MYCBP2: variants seen among roughly 807,000 people sequenced by gnomAD.
MYCBP2 encodes MYC binding protein 2.
A neutral mutation model predicts 525.3 loss-of-function variants in MYCBP2; 120 were observed. The ratio of observed to expected loss-of-function variants is 0.23; its 90% CI spans 0.20 to 0.27. The LOEUF is 0.27. Among genes scored for constraint, MYCBP2 ranks in the 10% least tolerant of loss-of-function variants. The pLI, the probability that MYCBP2 is intolerant of heterozygous loss-of-function variation, is 1.00. For synonymous variants in MYCBP2, 1,894 were observed against 1,955.8 expected (o/e 0.97, Z 0.83); for missense variants, 4,149 against 5,657.1 (o/e 0.73, Z 8.55).
At position 77,326,096 on chromosome 13, in the gene MYCBP2, G is replaced by A. The variant is rs890438111; in HGVS notation, c.302+378C>T. 6.6e-6 allele frequency among the ~76,000 whole-genome samples: 1 copy of A among 151,854 alleles called. No individual in the cohort carries two copies. Among genetic ancestry groups the A allele is most frequent in the Non-Finnish European group, 1.5e-5 (1 of 67,992 alleles). ...CCTTGCCACTGTTGCAATTCTCTTC[G>A]TGTATCATCCTCTTACCCTCTCTAC... On this transcript the variant is annotated intron_variant, in intron 1 of 82. Coordinates refer to ENST00000544440, the MANE Select transcript of MYCBP2 (RefSeq NM_015057.5). This position sits in a 1 kb window ranked among gnomAD's most constrained non-coding sequence, Gnocchi z 4.2.
chr13:77,165,207 G>T, intron 42 of MYCBP2, 66 bp downstream of exon 42: 1 of 1,365,792 alleles, frequency 7.3e-7, no homozygotes, highest in Non-Finnish European at 1.0e-6. Context: ...TCAGTTAGAA[G>T]CACAACTCAC....
At chr13:77,073,220 T>C (rs2041692970) in intron 68 of MYCBP2, among the ~76,000 whole-genome samples, 1 of 152,078 alleles carries the variant, frequency 6.6e-6, no homozygotes, top group African/African-American at 2.4e-5. Flanking sequence ...CTAAAATGCA[T>C]AGCAATATAT....
chr13:77,140,263 T>A (rs2054399694), intron 50 of MYCBP2, 100 bp from the exon 51 acceptor site: 1 of 668,296 alleles, frequency 1.5e-6, no homozygotes, highest in Non-Finnish European at 2.5e-6. Context: ...AGTATCGTAA[T>A]TCTTAATAAG....
chr13:77,306,301 A>G lies in MYCBP2; in HGVS notation c.303-9627T>C, dbSNP rs149541006. Among the ~76,000 whole-genome samples, 185 of 152,364 alleles carry G rather than the reference A, an allele frequency of 1.2e-3. 1 individual carries two copies. Among genetic ancestry groups the G allele is most frequent in the African/African-American group, 4.0e-3 (166 of 41,582 alleles). On this transcript the variant is annotated intron_variant, in intron 1 of 82. Coordinates refer to ENST00000544440, the MANE Select transcript of MYCBP2 (RefSeq NM_015057.5). The stretch of plus-strand genomic sequence containing the variant: ...ATACTCCTATCATGTTCAAGCATCA[A>G]TGAATAAATTAGGGAGGAATAGTTA...
chr13:77,240,687 C>CA (rs1263030535), intron 17 of MYCBP2, among the ~76,000 whole-genome samples: 1 of 152,108 alleles, frequency 6.6e-6, no homozygotes, highest in Non-Finnish European at 1.5e-5. Flanking sequence ...AACTGAAACA[C>CA]AGAAATACGG....
Position 77,186,045 on chromosome 13 carries a change from A to G in MYCBP2, c.4270T>C (p.Leu1424=), listed in dbSNP as rs2060681517. Residue 1424 remains leucine, a synonymous_variant, in exon 31 of 83, where the codon TTG becomes CTG. Transcript: ENST00000544440. ...TVSVECFESL[L]SILHWSWTTL... The stretch of plus-strand genomic sequence containing the variant: ...GTCCAGCTCCAGTGAAGAATACTCA[A>G]CAATGACTCAAAACATTCCTAATCC... 6.3e-6 allele frequency: 10 copies of G among 1,592,318 alleles called. No individual in the cohort carries two copies. Among genetic ancestry groups the G allele is most frequent in the Non-Finnish European group, 8.5e-6 (10 of 1,171,974 alleles).
chr13:77,265,802 CT>C (rs2073984950), intron 8 of MYCBP2, among the ~76,000 whole-genome samples: 1 of 152,178 alleles, frequency 6.6e-6, no homozygotes, highest in Non-Finnish European at 1.5e-5. Flanking sequence ...GAGGAGTCTT[CT>C]GCCACGTGAT....
At chr13:77,066,376 C>T (rs574055360) in intron 71 of MYCBP2, among the ~76,000 whole-genome samples, 1 of 152,174 alleles carries the variant, frequency 6.6e-6, no homozygotes, top group East Asian at 1.9e-4. Flanking sequence ...AGGGCACATG[C>T]GGATAATGTG....
At chr13:77,288,859 T>C (rs1345165154) in intron 2 of MYCBP2, among the ~76,000 whole-genome samples, 1 of 152,180 alleles carries the variant, frequency 6.6e-6, no homozygotes, top group African/African-American at 2.4e-5. Context: ...GCTCATTTCA[T>C]TCTCATTCAA....
At chr13:77,109,359 G>T (rs2048391221) in intron 55 of MYCBP2, among the ~76,000 whole-genome samples, 2 of 152,168 alleles carry the variant, frequency 1.3e-5, no homozygotes, top group Admixed American at 6.5e-5. Flanking sequence ...ACTCTTATGA[G>T]AATCTAATGC....
At chr13:77,203,985 G>C (rs2062966812) in intron 26 of MYCBP2, among the ~76,000 whole-genome samples, 2 of 152,024 alleles carry the variant, frequency 1.3e-5, no homozygotes, top group South Asian at 4.2e-4. Flanking sequence ...CATAGGCATG[G>C]GCAAGGACTT....
intron 28 of MYCBP2, 146 bp from the exon 29 acceptor site, chr13:77,190,481 C>T: frequency 1.7e-6 from 1 of 573,034 alleles, no homozygotes; most frequent in East Asian, 2.8e-5. Context: ...TCTAGATTTT[C>T]ATTCTAGCTC....
intron 55 of MYCBP2, 55 bp from the exon 56 acceptor site, chr13:77,099,068 A>T (rs564023130): frequency 6.3e-7 from 1 of 1,579,690 alleles, no homozygotes; most frequent in East Asian, 2.2e-5. Flanking sequence ...CTTACTGATA[A>T]TTTAGCCACT....
chr13:77,198,689 T>C (rs986235680), intron 26 of MYCBP2, among the ~76,000 whole-genome samples: 15 of 152,200 alleles, frequency 9.9e-5, no homozygotes, highest in African/African-American at 3.4e-4. Flanking sequence ...TGGTAACATA[T>C]GACTCTCAAT....
chr13:77,268,022 T>G (rs1162264488), intron 7 of MYCBP2, 85 bp from the exon 8 acceptor site: 3 of 759,554 alleles, frequency 3.9e-6, no homozygotes, highest in Non-Finnish European at 6.7e-6. Flanking sequence ...TATTACAGGT[T>G]TTTGAGGTAC....
At chr13:77,157,244 A>G (rs544607225) in intron 45 of MYCBP2, among the ~76,000 whole-genome samples, 4 of 151,734 alleles carry the variant, frequency 2.6e-5, no homozygotes, top group African/African-American at 9.7e-5. Flanking sequence ...TGCTTGGCTA[A>G]TTTTTGTATT....
chr13:77,307,252 C>A (rs2079555632), intron 1 of MYCBP2, among the ~76,000 whole-genome samples: 1 of 152,188 alleles, frequency 6.6e-6, no homozygotes, highest in African/African-American at 2.4e-5. Context: ...ATTTCATTCA[C>A]CATCCTTGAG....
chr13:77,154,935 G>A (rs1307144103), intron 46 of MYCBP2, among the ~76,000 whole-genome samples: 1 of 151,984 alleles, frequency 6.6e-6, no homozygotes, highest in Non-Finnish European at 1.5e-5. Flanking sequence ...GAAAGCATCA[G>A]AGTATAGCAT....
intron 68 of MYCBP2, 22 bp from the exon 69 acceptor site, chr13:77,070,733 A>AT: frequency 6.6e-7 from 1 of 1,514,742 alleles, no homozygotes; most frequent in Middle Eastern, 1.8e-4. Context: ...AAAAGAAAAA[A>AT]AAAAAAAAGA....
Sources: gnomAD v4.1 joint callset for allele counts (sites outside exome capture counted in the v4.1 genomes callset) on GRCh38, gnomAD v4.1.1 for gene constraint, Gnocchi (gnomAD v3.1) non-coding constraint, MANE v1.5 for transcripts, NCBI Gene and HGNC (gene_info 2026-07-23, HGNC 2026-07-21) for gene names.